Variants in HPSE2 observed in about 807,000 individuals in gnomAD.
HPSE2 encodes inactive heparanase-2.
In HPSE2, 38 loss-of-function variants were observed where a neutral mutation model predicts 60.5. The observed-to-expected ratio is 0.63, with a 90% CI of 0.48 to 0.82. The LOEUF (loss-of-function observed/expected upper bound fraction) is 0.82, where lower values mean the gene tolerates loss of function less well. Among genes scored for constraint, HPSE2 ranks in the 40% least tolerant of loss-of-function variants. The pLI is 0.00. For synonymous variants in HPSE2, 295 were observed against 293.2 expected, an observed-to-expected ratio of 1.01 and a Z score of -0.06; for missense variants, 713 against 740.4, an observed-to-expected ratio of 0.96 and a Z score of 0.43.
At chr10:98,840,766 A>G (rs1951892416) in intron 3 of HPSE2, among the ~76,000 whole-genome samples, 1 of 152,240 alleles carries the variant, frequency 6.6e-6, no homozygotes. Context: ...AAAATGATAT[A>G]AAGAAATTAG....
rs560289933 is a variant in HPSE2 at position 98,571,940 on chromosome 10, C to CTTTCT, written c.1320+42963_1320+42964insAGAAA. The stretch of plus-strand genomic sequence containing the variant: ...AATTCAGAGCAAGAGAATTCCTTTT[C>CTTTCT]TTTTTTTTTTTTTTTTGAGACGGAG... On this transcript the variant is annotated intron_variant, in intron 9 of 11. Transcript: ENST00000370552. Among the ~76,000 whole-genome samples the CTTTCT allele has an allele frequency of 3.8e-3, 533 of 140,714 alleles. 65 individuals are homozygous for CTTTCT. Among genetic ancestry groups the CTTTCT allele is most frequent in the Middle Eastern group, 0.011 (3 of 266 alleles). The allele number at this position is 140,714 out of a possible 152,430, so 92.3% of individuals were successfully genotyped here.
intron 3 of HPSE2, among the ~76,000 whole-genome samples, chr10:99,118,137 A>T (rs928892221): frequency 2.6e-5 from 4 of 152,170 alleles, no homozygotes; most frequent in Admixed American, 6.5e-5. Flanking sequence ...AAAGACAAAA[A>T]AAAACACTAT....
the HPSE2 span, among the ~76,000 whole-genome samples, chr10:99,275,558 T>C: frequency 6.6e-6 from 1 of 151,702 alleles, no homozygotes; most frequent in Non-Finnish European, 1.5e-5. Flanking sequence ...CTGCTTTGGT[T>C]GTCTGGGCTA....
At chr10:98,701,873 A>T (rs187470847) in intron 5 of HPSE2, among the ~76,000 whole-genome samples, 1 of 152,186 alleles carries the variant, frequency 6.6e-6, no homozygotes, top group Non-Finnish European at 1.5e-5. Context: ...TATAAAGACC[A>T]ATGACACTAT....
intron 3 of HPSE2, among the ~76,000 whole-genome samples, chr10:98,799,215 G>T (rs550966933): frequency 1.1e-4 from 16 of 152,208 alleles, no homozygotes; most frequent in Admixed American, 9.2e-4. Flanking sequence ...AATGATAAAG[G>T]GGTCAATTCT....
At chr10:98,743,064 C>T (rs1949541493) in intron 4 of HPSE2, among the ~76,000 whole-genome samples, 2 of 149,016 alleles carry the variant, frequency 1.3e-5, no homozygotes, top group African/African-American at 5.0e-5. Context: ...CCTTCGCCTC[C>T]TGGGTTCAAG....
At chr10:99,125,773 T>C (rs190287361) in intron 3 of HPSE2, among the ~76,000 whole-genome samples, 1 of 152,222 alleles carries the variant, frequency 6.6e-6, no homozygotes, top group African/African-American at 2.4e-5. Flanking sequence ...CCATGCAAAA[T>C]ACAGAAGTAG....
intron 7 of HPSE2, among the ~76,000 whole-genome samples, chr10:98,639,911 G>A (rs1163637356): frequency 6.6e-6 from 1 of 152,104 alleles, no homozygotes; most frequent in Non-Finnish European, 1.5e-5. Context: ...AAAACTATAG[G>A]AACTTGACTA....
intron 7 of HPSE2, among the ~76,000 whole-genome samples, chr10:98,626,061 G>A (rs368884625): frequency 6.7e-6 from 1 of 148,362 alleles, no homozygotes; most frequent in South Asian, 2.1e-4. Flanking sequence ...AGCCGAGATC[G>A]CACCACTACA....
At chr10:98,579,830 T>A (rs1424944025) in intron 9 of HPSE2, among the ~76,000 whole-genome samples, 1 of 152,230 alleles carries the variant, frequency 6.6e-6, no homozygotes, top group African/African-American at 2.4e-5. Flanking sequence ...CATGCCTTTA[T>A]CATGTTCTCA....
intron 3 of HPSE2, among the ~76,000 whole-genome samples, chr10:99,042,788 G>A (rs950207700): frequency 7.2e-5 from 11 of 152,222 alleles, no homozygotes; most frequent in Admixed American, 6.5e-4. Context: ...CTCTCCAGAG[G>A]CCTAGGAGTG....
intron 2 of HPSE2, among the ~76,000 whole-genome samples, chr10:99,189,494 G>A (rs962747241): frequency 2.0e-5 from 3 of 152,112 alleles, no homozygotes; most frequent in Non-Finnish European, 4.4e-5. Context: ...TTACTTAAGC[G>A]GTTCTGTCAT....
chr10:99,305,727 CTT>C, the HPSE2 span, among the ~76,000 whole-genome samples: 9 of 151,560 alleles, frequency 5.9e-5, no homozygotes, highest in Admixed American at 1.3e-4. Context: ...ATACCTATGA[CTT>C]ATATATATGA....
At chr10:98,715,106 T>C (rs552431594) in intron 5 of HPSE2, among the ~76,000 whole-genome samples, 158 of 151,930 alleles carry the variant, frequency 1.0e-3, no homozygotes, top group Admixed American at 1.8e-3. Flanking sequence ...GATATATGAC[T>C]TGCAAATATT....
intron 3 of HPSE2, among the ~76,000 whole-genome samples, chr10:98,939,334 A>G (rs1954914577): frequency 7.0e-6 from 1 of 143,764 alleles, no homozygotes; most frequent in Non-Finnish European, 1.5e-5. Context: ...TATTCAGGAA[A>G]TCCATCTCAC....
intron 3 of HPSE2, among the ~76,000 whole-genome samples, chr10:98,978,229 G>C (rs1956131238): frequency 6.6e-6 from 1 of 152,034 alleles, no homozygotes; most frequent in African/African-American, 2.4e-5. Flanking sequence ...AGTGGGCATA[G>C]GAGATAAATT....
At chr10:98,555,278 C>T (rs1219783379) in intron 9 of HPSE2, among the ~76,000 whole-genome samples, 3 of 152,216 alleles carry the variant, frequency 2.0e-5, no homozygotes, top group Non-Finnish European at 4.4e-5. Flanking sequence ...ATAAGCCTTC[C>T]AGCACCTCTA....
intron 3 of HPSE2, among the ~76,000 whole-genome samples, chr10:98,778,629 G>A (rs890295928): frequency 6.6e-6 from 1 of 152,102 alleles, no homozygotes; most frequent in African/African-American, 2.4e-5. Flanking sequence ...CTGGTATAAG[G>A]AAGTAAAATT....
chr10:98,820,831 C>T (rs2134610288), intron 3 of HPSE2, among the ~76,000 whole-genome samples: 1 of 152,304 alleles, frequency 6.6e-6, no homozygotes, highest in Non-Finnish European at 1.5e-5. Context: ...ATCACGAACT[C>T]TACTCTCACT....
Sources: allele counts gnomAD v4.1 joint callset (sites outside exome capture counted in the v4.1 genomes callset), GRCh38; gene constraint gnomAD v4.1.1; transcripts MANE v1.5; gene names NCBI Gene and HGNC (gene_info 2026-07-23, HGNC 2026-07-21).